PRMT9: variants seen among roughly 807,000 people sequenced by gnomAD.
PRMT9 encodes the protein protein arginine N-methyltransferase 9.
PRMT9 carries 59 observed loss-of-function variants against 83.2 expected under a neutral mutation model. The observed-to-expected ratio is 0.71, with a 90% confidence interval of 0.57 to 0.88. The LOEUF is 0.88. Ranked by LOEUF, PRMT9 falls within the 40% of genes least tolerant of loss-of-function variation. PRMT9 has a pLI of 0.00. For missense variants in PRMT9, 947 were observed against 1,021.9 expected, an observed-to-expected ratio of 0.93 and a Z score of 1.00; for synonymous variants, 333 against 353.2, an observed-to-expected ratio of 0.94 and a Z score of 0.64.
At chr4:147,640,061 CTTTTTT>C (rs1185905675) in intron 10 of PRMT9, among the ~76,000 whole-genome samples, 1 of 35,086 alleles carries the variant, frequency 2.9e-5, no homozygotes, top group African/African-American at 9.2e-5. Flanking sequence ...CCACTCCTGT[CTTTTTT>C]TTTTTTTTTT....
At chr4:147,645,407 A>G (rs1164045157) in intron 9 of PRMT9, among the ~76,000 whole-genome samples, 9 of 152,226 alleles carry the variant, frequency 5.9e-5, no homozygotes, top group Admixed American at 5.2e-4. Context: ...AAGAAAAGCA[A>G]TGAAGAATAT....
chr4:147,665,501 T>C (rs933746043), intron 6 of PRMT9, among the ~76,000 whole-genome samples: 3 of 152,230 alleles, frequency 2.0e-5, no homozygotes, highest in South Asian at 2.1e-4. Flanking sequence ...TCTTCAAGCA[T>C]GCTGCTGTGT....
At chr4:147,683,130 C>T (rs1253694480) in intron 1 of PRMT9, among the ~76,000 whole-genome samples, 1 of 152,098 alleles carries the variant, frequency 6.6e-6, no homozygotes, top group African/African-American at 2.4e-5. Flanking sequence ...AAATGATAAT[C>T]ACTTTAGGCT....
At chr4:147,644,123 A>G (rs531898475) in intron 9 of PRMT9, among the ~76,000 whole-genome samples, 18 of 152,322 alleles carry the variant, frequency 1.2e-4, no homozygotes, top group Admixed American at 1.0e-3. Flanking sequence ...ATAATTGTAC[A>G]GTGATTATAT....
intron 9 of PRMT9, among the ~76,000 whole-genome samples, chr4:147,651,165 C>G (rs1224823803): frequency 6.6e-6 from 1 of 151,394 alleles, no homozygotes; most frequent in Non-Finnish European, 1.5e-5. Context: ...AAAACATATC[C>G]GAAATATGTT....
chr4:147,642,232 G>A (rs1021734687), intron 10 of PRMT9, among the ~76,000 whole-genome samples: 18 of 151,862 alleles, frequency 1.2e-4, no homozygotes, highest in Admixed American at 4.6e-4. Context: ...ATTCGAAGGC[G>A]TATCTAAAAA....
intron 10 of PRMT9, among the ~76,000 whole-genome samples, chr4:147,641,895 C>T (rs1400130260): frequency 6.6e-6 from 1 of 152,108 alleles, no homozygotes; most frequent in African/African-American, 2.4e-5. Flanking sequence ...CTTATGAGCT[C>T]GAGCAATCCG....
At position 147,657,971 on chromosome 4, in the gene PRMT9, A is replaced by G; in HGVS notation, c.1151T>C (p.Leu384Ser). Residue 384 changes from leucine (L) to serine (S), a missense_variant, in exon 8 of 12, where the codon TTA becomes TCA. By Grantham distance (145) the Leu-to-Ser change is moderately radical. Coordinates refer to ENST00000322396, the MANE Select transcript of PRMT9 (RefSeq NM_138364.4). The part of the protein sequence containing the change: ...MTVDFNNLQE[L>S]KSLATKKPDK... ...AGGCTTTTTAGTTGCAAGACTTTTT[A>G]ATTCCTGAGAAAAATGTAGAAGGAA... 1 of 1,589,348 alleles carries G rather than the reference A, an allele frequency of 6.3e-7. No individual in the cohort carries two copies. Among genetic ancestry groups the G allele is most frequent in the Non-Finnish European group, 8.6e-7 (1 of 1,160,822 alleles).
rs532465857 is a variant in PRMT9, at chr4:147,670,739, A to T, written c.748T>A (p.Ser250Thr). 7.5e-6 allele frequency: 12 copies of T among 1,596,196 alleles called. No individual in the cohort carries two copies. The South Asian group carries it at 1.2e-4, about 16-fold the overall frequency. ...EIPKHIPERV[S>T]LVVTETVDAG... is the part of the protein sequence containing the mutation. ...TCGACAGTTTCTGTTACAACTAGGGACACTCTATAGAATGATTTTTTAAAG... is the reference window on the plus strand; with the variant it reads ...TCGACAGTTTCTGTTACAACTAGGGTCACTCTATAGAATGATTTTTTAAAG... Residue 250 changes from serine to threonine, a missense_variant, in exon 5 of 12, where the codon TCC (serine) becomes ACC (threonine). Physicochemically the swap from Ser to Thr is moderately conservative, Grantham distance 58. Transcript: ENST00000322396.
chr4:147,660,863 C>G lies in PRMT9; in HGVS notation c.1129G>C (p.Asp377His). The change falls in exon 7 of 12, where the codon GAT becomes CAT. Residue 377 changes from aspartate to histidine, a missense_variant. Coordinates refer to ENST00000322396, the MANE Select transcript of PRMT9 (RefSeq NM_138364.4). ...LTECFEIMTV[D>H]FNNLQELKSL... ...TTTTTCACCTGAAGGTTGTTGAAAT[C>G]TACTGTCATAATTTCAAAGCACTCT... 6.2e-7 allele frequency: 1 copy of G among 1,612,338 alleles called. No homozygotes were observed. The highest frequency in any genetic ancestry group is 1.1e-5 in the South Asian group (1 of 90,982).
At chr4:147,661,519 G>A (rs970449576) in intron 6 of PRMT9, among the ~76,000 whole-genome samples, 3 of 152,044 alleles carry the variant, frequency 2.0e-5, no homozygotes, top group Admixed American at 6.6e-5. Flanking sequence ...GGCCAGGCGC[G>A]GTGGCTCATG....
At chr4:147,660,591 C>T (rs996441406) in intron 7 of PRMT9, among the ~76,000 whole-genome samples, 1 of 152,052 alleles carries the variant, frequency 6.6e-6, no homozygotes, top group Non-Finnish European at 1.5e-5. Context: ...GATGGTGCCA[C>T]TGCACTCCAG....
At chr4:147,654,721 C>G (rs764679509) in intron 8 of PRMT9, among the ~76,000 whole-genome samples, 155 bp from the exon 9 acceptor site, 2 of 152,158 alleles carry the variant, frequency 1.3e-5, no homozygotes, top group Non-Finnish European at 2.9e-5. Flanking sequence ...TAGGAAAACT[C>G]TACCAGATTT....
At chr4:147,683,486 T>C (rs1200010669) in intron 1 of PRMT9, among the ~76,000 whole-genome samples, 2 of 152,162 alleles carry the variant, frequency 1.3e-5, no homozygotes, top group Non-Finnish European at 2.9e-5. Flanking sequence ...TCTGGACATA[T>C]TTCGAAGGTG....
intron 9 of PRMT9, among the ~76,000 whole-genome samples, chr4:147,648,355 T>C (rs374031820): frequency 3.4e-4 from 51 of 152,204 alleles, no homozygotes; most frequent in East Asian, 1.7e-3. Flanking sequence ...AAAGCTTCCA[T>C]AAAAACCCAG....
chr4:147,664,746 A>G (rs1735206360), intron 6 of PRMT9, among the ~76,000 whole-genome samples: 1 of 152,160 alleles, frequency 6.6e-6, no homozygotes, highest in African/African-American at 2.4e-5. Context: ...TGGCACATGT[A>G]TACCTATGTA....
intron 6 of PRMT9, among the ~76,000 whole-genome samples, chr4:147,662,502 A>C (rs1291683045): frequency 1.3e-5 from 2 of 152,194 alleles, no homozygotes; most frequent in African/African-American, 4.8e-5. Context: ...GTTTGATGTC[A>C]ACAAAAATTT....
chr4:147,642,270 G>A (rs1006618514), intron 10 of PRMT9, among the ~76,000 whole-genome samples: 12 of 150,906 alleles, frequency 8.0e-5, no homozygotes, highest in Admixed American at 2.6e-4. Flanking sequence ...ATGCAGTCTC[G>A]CTCTGTCATC....
intron 8 of PRMT9, among the ~76,000 whole-genome samples, chr4:147,655,739 TCTCAAA>T (rs1284781604): frequency 2.0e-5 from 3 of 151,994 alleles, no homozygotes; most frequent in Non-Finnish European, 4.4e-5. Flanking sequence ...ACCAGGCTGG[TCTCAAA>T]CTCCTGAACT....
Sources: gnomAD v4.1 joint callset for allele counts (sites outside exome capture counted in the v4.1 genomes callset) on GRCh38, gnomAD v4.1.1 for gene constraint, MANE v1.5 for transcripts, NCBI Gene and HGNC (gene_info 2026-07-23, HGNC 2026-07-21) for gene names.